The following JAKMIP3 variants were observed in gnomAD, a reference collection of about 807,000 sequenced individuals.
The protein encoded by JAKMIP3 is Janus kinase and microtubule interacting protein 3.
Under a neutral mutation model 118.5 loss-of-function variants are expected in JAKMIP3, and 58 were observed. The ratio of observed to expected loss-of-function variants is 0.49; its 90% confidence interval spans 0.40 to 0.61. The LOEUF (loss-of-function observed/expected upper bound fraction) is 0.61, where lower values mean the gene tolerates loss of function less well. JAKMIP3 is among the 20% of genes least tolerant of loss of function. JAKMIP3 has a pLI of 0.00. For missense variants in JAKMIP3, 950 were observed against 1,109.0 expected (o/e 0.86, Z 2.04); for synonymous variants, 486 against 451.2 (o/e 1.08, Z -0.98).
intron 23 of JAKMIP3, among the ~76,000 whole-genome samples, chr10:132,173,634 A>T (rs1287761562): frequency 3.3e-5 from 5 of 151,550 alleles, no homozygotes; most frequent in Non-Finnish European, 7.4e-5. Flanking sequence ...TCACATATTG[A>T]CTCTTTGAAA....
At chr10:132,156,217 C>T (rs1589975637) in intron 19 of JAKMIP3, among the ~76,000 whole-genome samples, 1 of 152,198 alleles carries the variant, frequency 6.6e-6, no homozygotes. Context: ...CCTCCCTCGG[C>T]TCAGTCTCTG....
intron 1 of JAKMIP3, among the ~76,000 whole-genome samples, chr10:132,042,840 T>A (rs1171075309): frequency 1.3e-5 from 2 of 152,016 alleles, no homozygotes; most frequent in African/African-American, 4.8e-5. Flanking sequence ...ATAAAAGGCT[T>A]TTCCTTTGGG....
intron 1 of JAKMIP3, among the ~76,000 whole-genome samples, chr10:132,048,662 C>CTTTTTTTTTTT (rs1366816957): frequency 4.0e-5 from 4 of 99,312 alleles, no homozygotes; most frequent in Non-Finnish European, 3.8e-5. Context: ...TTGACTGTTT[C>CTTTTTTTTTTT]TTTTCTTTTT....
intron 1 of JAKMIP3, among the ~76,000 whole-genome samples, chr10:132,057,433 A>C (rs1009035109): frequency 6.6e-6 from 1 of 152,170 alleles, no homozygotes; most frequent in African/African-American, 2.4e-5. Flanking sequence ...CACGCCGCCG[A>C]CTGCCTTGCC....
rs1403443193 is a variant in JAKMIP3 at position 132,182,575 on chromosome 10, A to T, written c.*1322A>T. 2 of 152,218 alleles carry T rather than the reference A, an allele frequency of 1.3e-5. No individual in the cohort carries two copies. The highest frequency in any genetic ancestry group is 4.8e-5 in the African/African-American group (2 of 41,442). 9.4% of individuals were successfully genotyped at this position (152,218 alleles called of 1,614,324 possible). A position where few individuals can be genotyped will look rare whatever the true frequency, so the allele number is the denominator to read the frequency against. ...TGTGTGCTCACTTGTGTGCACAAGC[A>T]TGCGTTTATGCATGTTTTCACGCAA... On this transcript the variant is annotated 3_prime_UTR_variant, in exon 24 of 24. Coordinates refer to ENST00000684848, the MANE Select transcript of JAKMIP3 (RefSeq NM_001323087.2).
intron 1 of JAKMIP3, among the ~76,000 whole-genome samples, chr10:132,091,803 A>T (rs1295325417): frequency 6.6e-6 from 1 of 152,142 alleles, no homozygotes; most frequent in Non-Finnish European, 1.5e-5. Context: ...TGTGAATTTG[A>T]TCCTGTCATT....
At position 132,147,948 on chromosome 10, in the gene JAKMIP3, G is replaced by T; in HGVS notation, c.1750-4G>T. ...CCTCACCTCATGCATCTTTTATGTT[G>T]CAGATCAAACAAATGGAGACGGAAG... On this transcript the variant is annotated splice_region_variant and splice_polypyrimidine_tract_variant and intron_variant, in intron 13 of 23. Coordinates refer to ENST00000684848, the MANE Select transcript of JAKMIP3 (RefSeq NM_001323087.2). 1 of 1,596,498 alleles carries T rather than the reference G, an allele frequency of 6.3e-7. No homozygotes were observed. Among genetic ancestry groups the T allele is most frequent in the Non-Finnish European group, 8.5e-7 (1 of 1,169,642 alleles).
chr10:132,131,379 G>A (rs1226720644), intron 3 of JAKMIP3, among the ~76,000 whole-genome samples: 1 of 151,576 alleles, frequency 6.6e-6, no homozygotes, highest in Non-Finnish European at 1.5e-5. Flanking sequence ...GGAGCTCTGG[G>A]GTGCAGGTGT....
chr10:132,133,134 C>T (rs1301023709), intron 3 of JAKMIP3, among the ~76,000 whole-genome samples, 178 bp from the exon 4 acceptor site: 1 of 152,202 alleles, frequency 6.6e-6, no homozygotes, highest in African/African-American at 2.4e-5. Flanking sequence ...CCAGGGCCTG[C>T]TGGGAGCCCG....
chr10:132,142,123 A>T, intron 11 of JAKMIP3, 75 bp downstream of exon 11: 1 of 1,451,862 alleles, frequency 6.9e-7, no homozygotes, highest in Non-Finnish European at 9.2e-7. Context: ...GGGCTGGGAC[A>T]CCCCCCTCAC....
At position 132,081,886 on chromosome 10, in the gene JAKMIP3, C is replaced by T. The variant is rs144164096; in HGVS notation, c.-138+15825C>T. 4.8e-4 allele frequency among the ~76,000 whole-genome samples: 73 copies of T among 152,060 alleles called. No homozygotes were observed. The East Asian group carries it at 0.014, about 28-fold the overall frequency. ...ATTGATTTGGGTCTTTTTAAATCTC[C>T]ATGTCTCTTCTTAACCGGCCACTGT... On this transcript the variant is annotated intron_variant, in intron 1 of 23. Transcript: ENST00000684848.
intron 1 of JAKMIP3, among the ~76,000 whole-genome samples, chr10:132,048,069 G>A (rs1050457503): frequency 6.6e-6 from 1 of 152,226 alleles, no homozygotes; most frequent in Admixed American, 6.5e-5. Context: ...CTCTCGTGAC[G>A]GGAACGAGGT....
At chr10:132,137,391 G>T in intron 8 of JAKMIP3, 102 bp downstream of exon 8, 1 of 1,428,868 alleles carries the variant, frequency 7.0e-7, no homozygotes, top group Non-Finnish European at 9.8e-7. Flanking sequence ...AGACAGAAGC[G>T]GCCGCGGCAG....
chr10:132,041,844 C>A, intron 1 of JAKMIP3, among the ~76,000 whole-genome samples: 2 of 152,144 alleles, frequency 1.3e-5, no homozygotes, highest in East Asian at 3.9e-4. Context: ...TCTATCCTTT[C>A]TTTTCTTTCT....
chr10:132,107,201 T>A (rs2046049140), intron 2 of JAKMIP3, among the ~76,000 whole-genome samples: 1 of 152,160 alleles, frequency 6.6e-6, no homozygotes, highest in Non-Finnish European at 1.5e-5. Context: ...AGCCAATAAT[T>A]ATCTTCTTAA....
intron 3 of JAKMIP3, among the ~76,000 whole-genome samples, chr10:132,129,689 G>A (rs528233857): frequency 1.3e-5 from 2 of 152,238 alleles, no homozygotes; most frequent in East Asian, 1.9e-4. Context: ...TGTGGACAGC[G>A]GTCGCAGGGG....
At chr10:132,070,345 G>A (rs9419337) in intron 1 of JAKMIP3, among the ~76,000 whole-genome samples, 16,602 of 151,958 alleles carry the variant, frequency 0.11, 1,145 homozygotes, top group East Asian at 0.31. Context: ...ATGGGGTTTC[G>A]CCATGTTGGT....
At chr10:132,180,630 T>TGTGTGC (rs2060912571) in intron 23 of JAKMIP3, among the ~76,000 whole-genome samples, 1 of 37,106 alleles carries the variant, frequency 2.7e-5, no homozygotes, top group African/African-American at 1.5e-4. Context: ...TGTGTGCGTG[T>TGTGTGC]GTGCGTGCGT....
At chr10:132,151,025 C>T (rs920357366) in intron 16 of JAKMIP3, among the ~76,000 whole-genome samples, 4 of 152,046 alleles carry the variant, frequency 2.6e-5, no homozygotes, top group Non-Finnish European at 5.9e-5. Context: ...ATCCTCCATC[C>T]ATTCCTTCTC....
Sources: gnomAD v4.1 joint callset for allele counts (sites outside exome capture counted in the v4.1 genomes callset) on GRCh38, gnomAD v4.1.1 for gene constraint, MANE v1.5 for transcripts, NCBI Gene and HGNC (gene_info 2026-07-23, HGNC 2026-07-21) for gene names.